The following ANKRD27 variants were observed in gnomAD, a reference collection of about 807,000 sequenced individuals.
ANKRD27 encodes ankyrin repeat domain-containing protein 27.
A neutral mutation model predicts 129.7 loss-of-function variants in ANKRD27; 112 were observed. The observed-to-expected ratio is 0.86, with a 90% CI of 0.74 to 1.01. The LOEUF (loss-of-function observed/expected upper bound fraction) is 1.01, where lower values mean the gene tolerates loss of function less well. ANKRD27 is among the 50% of genes least tolerant of loss of function. The pLI, the probability that ANKRD27 is intolerant of heterozygous loss-of-function variation, is 0.00. For missense variants in ANKRD27, 1,258 were observed against 1,300.5 expected (o/e 0.97, Z 0.50); for synonymous variants, 516 against 511.2 (o/e 1.01, Z -0.13).
chr19:32,619,696 C>A lies in ANKRD27; in HGVS notation c.1828-143G>T, dbSNP rs566353347. The A allele has an allele frequency of 9.8e-4, 957 of 979,530 alleles. 9 individuals are homozygous for A. The South Asian group carries it at 0.012, about 12-fold the overall frequency. The allele number at this position is 979,530 out of a possible 1,614,324, so 60.7% of individuals were successfully genotyped here. On this transcript the variant is annotated intron_variant, in intron 18 of 28. Transcript: ENST00000306065. ...CCTTAGGTCACGTGGCCCAGTCGCA[C>A]CCTTGGATAGACAGAAAAACCAAGA...
intron 23 of ANKRD27, among the ~76,000 whole-genome samples, chr19:32,606,401 G>T (rs546257037): frequency 6.6e-6 from 1 of 152,056 alleles, no homozygotes. Flanking sequence ...TGATCCACCC[G>T]TCTCGGCCTC....
At position 32,669,389 on chromosome 19, in the gene ANKRD27, C is replaced by T. The variant is rs113961190; in HGVS notation, c.-31+5682G>A. Among the ~76,000 whole-genome samples the T allele has an allele frequency of 6.9e-4, 105 of 152,344 alleles. No homozygotes were observed. In the Middle Eastern group the frequency reaches 0.01, roughly 15 times the overall value. ...CACTTATTACTGGAGCCCAGATAAT[C>T]CTTTTATGAGTCTCCACCACAATGA... On this transcript the variant is annotated intron_variant, in intron 1 of 28. Coordinates refer to ENST00000306065, the MANE Select transcript of ANKRD27 (RefSeq NM_032139.3).
intron 1 of ANKRD27, among the ~76,000 whole-genome samples, chr19:32,669,382 A>C (rs1482505682): frequency 6.6e-6 from 1 of 152,234 alleles, no homozygotes; most frequent in African/African-American, 2.4e-5. Flanking sequence ...ACTGGAGCCC[A>C]GATAATCCTT....
At chr19:32,634,811 A>G (rs1356931290) in intron 12 of ANKRD27, among the ~76,000 whole-genome samples, 1 of 152,130 alleles carries the variant, frequency 6.6e-6, no homozygotes, top group Non-Finnish European at 1.5e-5. Flanking sequence ...GGTACTTGGG[A>G]GGCTGAGGCA....
At chr19:32,620,538 C>T (rs1232820823) in intron 18 of ANKRD27, among the ~76,000 whole-genome samples, 1 of 150,184 alleles carries the variant, frequency 6.7e-6, no homozygotes, top group Non-Finnish European at 1.5e-5. Context: ...CACTGCACTC[C>T]AGCCTGGGCG....
chr19:32,630,033 G>A (rs1037892113), intron 13 of ANKRD27, among the ~76,000 whole-genome samples: 2 of 151,874 alleles, frequency 1.3e-5, no homozygotes, highest in African/African-American at 4.8e-5. Flanking sequence ...CTCCCATATA[G>A]CTGGGACTAC....
At position 32,606,939 on chromosome 19, in the gene ANKRD27, C is replaced by CAAAAAAAAAAAAAAAAAA. The variant is rs532062312; in HGVS notation, c.2373+678_2373+695dup. 1.5e-4 allele frequency among the ~76,000 whole-genome samples: 10 copies of CAAAAAAAAAAAAAAAAAA among 65,646 alleles called. 1 individual carries two copies. The highest frequency in any genetic ancestry group is 7.3e-4 in the South Asian group (1 of 1,374). 43.1% of individuals were successfully genotyped at this position (65,646 alleles called of 152,430 possible). A position where few individuals can be genotyped will look rare whatever the true frequency, so the allele number is the denominator to read the frequency against. ...ACAACATGGTGAAACCCCATCTCCA[C>CAAAAAAAAAAAAAAAAAA]AAAAAAAAAAAAAAAAAAAAAAAAA... On this transcript the variant is annotated intron_variant, in intron 23 of 28. Coordinates refer to ENST00000306065, the MANE Select transcript of ANKRD27 (RefSeq NM_032139.3).
At chr19:32,627,938 C>T (rs1170479178) in intron 15 of ANKRD27, 145 bp downstream of exon 15, 2 of 726,032 alleles carry the variant, frequency 2.8e-6, no homozygotes, top group Non-Finnish European at 4.7e-6. Context: ...TCCTCTTCTC[C>T]TTCCGGCCCT....
At chr19:32,644,950 C>T (rs192840102) in intron 4 of ANKRD27, among the ~76,000 whole-genome samples, 16 of 152,206 alleles carry the variant, frequency 1.1e-4, no homozygotes, top group Middle Eastern at 3.4e-3. Context: ...GCTGTCTATG[C>T]GAATGCTGCC....
intron 2 of ANKRD27, among the ~76,000 whole-genome samples, chr19:32,650,742 A>T (rs1599766192): frequency 7.3e-6 from 1 of 137,234 alleles, no homozygotes. Flanking sequence ...TCTTTTCTTT[A>T]CGCTTTTATT....
intron 2 of ANKRD27, among the ~76,000 whole-genome samples, chr19:32,651,333 G>A (rs1967411938): frequency 6.6e-6 from 1 of 152,132 alleles, no homozygotes; most frequent in South Asian, 2.1e-4. Context: ...TCAAGGAAGG[G>A]CCGTGGCTGG....
intron 21 of ANKRD27, 33 bp from the exon 22 acceptor site, chr19:32,615,813 A>G (rs374959194): frequency 6.2e-7 from 1 of 1,602,970 alleles, no homozygotes; most frequent in Non-Finnish European, 8.5e-7. Flanking sequence ...ACAGGAACAC[A>G]TCCTCAGCGT....
intron 2 of ANKRD27, among the ~76,000 whole-genome samples, chr19:32,653,185 C>T (rs1967452466): frequency 6.6e-6 from 1 of 152,254 alleles, no homozygotes; most frequent in Non-Finnish European, 1.5e-5. Context: ...ATGGCCACGG[C>T]TTGTTGGAAG....
intron 17 of ANKRD27, among the ~76,000 whole-genome samples, chr19:32,623,896 C>T (rs1183061397): frequency 6.6e-6 from 1 of 152,048 alleles, no homozygotes; most frequent in African/African-American, 2.4e-5. Flanking sequence ...CTCTGGACTC[C>T]ACCACGTGCC....
chr19:32,673,346 G>C (rs1409499408), intron 1 of ANKRD27: 3 of 986,036 alleles, frequency 3.0e-6, no homozygotes, highest in Non-Finnish European at 3.6e-6. Flanking sequence ...CAAGGCCTAC[G>C]GGCTGTGCCT....
At chr19:32,601,169 C>T (rs557598118) in intron 26 of ANKRD27, among the ~76,000 whole-genome samples, 5 of 151,938 alleles carry the variant, frequency 3.3e-5, no homozygotes, top group South Asian at 2.1e-4. Flanking sequence ...CATGGTGGCA[C>T]GTGCCTGTAA....
In ANKRD27 at chr19:32,623,546, C is replaced by T. The variant is rs534309834; in HGVS notation, c.1630-927G>A. Reference sequence around the variant, plus strand: ...CCTGTGTGGGTCCATGAAAAGAGACCTGTTGTTTTTTTTTTTTTTTTGAGA... The same window carrying T: ...CCTGTGTGGGTCCATGAAAAGAGACTTGTTGTTTTTTTTTTTTTTTTGAGA... On this transcript the variant is annotated intron_variant, in intron 17 of 28. Coordinates refer to ENST00000306065, the MANE Select transcript of ANKRD27 (RefSeq NM_032139.3). Among the ~76,000 whole-genome samples, 147 of 148,070 alleles carry T rather than the reference C, an allele frequency of 9.9e-4. 1 individual carries two copies. Among genetic ancestry groups the T allele is most frequent in the African/African-American group, 3.6e-3 (141 of 39,036 alleles).
At chr19:32,613,402 C>T (rs181282809) in intron 22 of ANKRD27, among the ~76,000 whole-genome samples, 261 of 152,314 alleles carry the variant, frequency 1.7e-3, no homozygotes, top group African/African-American at 6.1e-3. Flanking sequence ...AATTGCCATG[C>T]AATGACCATA....
intron 1 of ANKRD27, among the ~76,000 whole-genome samples, chr19:32,659,760 G>A (rs1468621802): frequency 6.6e-6 from 1 of 151,998 alleles, no homozygotes; most frequent in Non-Finnish European, 1.5e-5. Context: ...GAAATAAAGT[G>A]GAAGCCAGGT....
Sources: allele counts gnomAD v4.1 joint callset (sites outside exome capture counted in the v4.1 genomes callset), GRCh38; gene constraint gnomAD v4.1.1; transcripts MANE v1.5; gene names NCBI Gene and HGNC (gene_info 2026-07-23, HGNC 2026-07-21).